The following PRKCH variants were observed in gnomAD, a reference collection of about 807,000 sequenced individuals.
PRKCH encodes protein kinase C eta type.
Under a neutral mutation model 82.5 loss-of-function variants are expected in PRKCH, and 28 were observed. The ratio of observed to expected loss-of-function variants is 0.34; its 90% CI spans 0.25 to 0.47. The LOEUF (loss-of-function observed/expected upper bound fraction) is 0.47, where lower values mean the gene tolerates loss of function less well. PRKCH is among the 20% of genes least tolerant of loss of function. The pLI is 1.00. For missense variants in PRKCH, 705 were observed against 881.8 expected, an observed-to-expected ratio of 0.80 and a Z score of 2.54; for synonymous variants, 322 against 327.4, an observed-to-expected ratio of 0.98 and a Z score of 0.18.
chr14:61,543,209 C>T (rs1442440919), intron 12 of PRKCH, among the ~76,000 whole-genome samples: 1 of 152,186 alleles, frequency 6.6e-6, no homozygotes, highest in Non-Finnish European at 1.5e-5. Flanking sequence ...CTTTACATGT[C>T]CCCTTAGAAC....
chr14:61,230,586 C>G (rs2044735290), intron 1 of PRKCH, among the ~76,000 whole-genome samples: 1 of 152,206 alleles, frequency 6.6e-6, no homozygotes, highest in Non-Finnish European at 1.5e-5. Flanking sequence ...TTGCATGCAT[C>G]TTCAGATGTA....
Position 61,274,266 on chromosome 14 carries a change from A to G in PRKCH, c.-19+86598A>G, listed in dbSNP as rs192522283. ...GGTTAGGGCCTCTTTAAATCATTCA[A>G]TATGGCTGGAATTTGGTGGGGTGTT... On this transcript the variant is annotated intron_variant, in intron 1 of 3. Coordinates refer to the PRKCH transcript ENST00000555185. Among the ~76,000 whole-genome samples, 4 of 152,246 alleles carry G rather than the reference A, an allele frequency of 2.6e-5. No homozygotes were observed. The South Asian group carries it at 6.2e-4, about 24-fold the overall frequency.
At chr14:61,374,234 A>C (rs143405741) in intron 1 of PRKCH, among the ~76,000 whole-genome samples, 1 of 152,160 alleles carries the variant, frequency 6.6e-6, no homozygotes, top group Admixed American at 6.5e-5. Context: ...TGTCTTGGGC[A>C]GTTCTACTCT....
chr14:61,320,958 C>T (rs1165916765), upstream of PRKCH, among the ~76,000 whole-genome samples: 1 of 152,184 alleles, frequency 6.6e-6, no homozygotes, highest in African/African-American at 2.4e-5. Flanking sequence ...CCAGAAGAAC[C>T]GACCTTTCCT....
At position 61,451,860 on chromosome 14, in the gene PRKCH, G is replaced by A. The variant is rs147543732; in HGVS notation, c.832+889G>A. ...GAGCCTGCTTCTGTCAACAAAAAGGGGCCAGTCACTTGTCTTTAAGAAGGG... is the reference window on the plus strand; with the variant it reads ...GAGCCTGCTTCTGTCAACAAAAAGGAGCCAGTCACTTGTCTTTAAGAAGGG... On this transcript the variant is annotated intron_variant, in intron 6 of 13. Coordinates refer to ENST00000332981, the MANE Select transcript of PRKCH (RefSeq NM_006255.5). Among the ~76,000 whole-genome samples, 37 of 152,234 alleles carry A rather than the reference G, an allele frequency of 2.4e-4. No homozygotes were observed. The East Asian group carries it at 6.2e-3, about 25-fold the overall frequency.
intron 1 of PRKCH, among the ~76,000 whole-genome samples, chr14:61,214,682 C>G (rs1395448456): frequency 6.6e-6 from 1 of 152,104 alleles, no homozygotes; most frequent in African/African-American, 2.4e-5. Context: ...CATCTGACCC[C>G]TCTTTCTCTC....
chr14:61,450,608 A>T (rs1002798290), intron 5 of PRKCH, among the ~76,000 whole-genome samples: 3 of 152,232 alleles, frequency 2.0e-5, no homozygotes, highest in Non-Finnish European at 2.9e-5. Flanking sequence ...ATTTCTCAAA[A>T]TGGCAAATGA....
chr14:61,519,346 TCTCA>T (rs2042873402), intron 10 of PRKCH, among the ~76,000 whole-genome samples: 2 of 151,864 alleles, frequency 1.3e-5, no homozygotes, highest in Non-Finnish European at 2.9e-5. Flanking sequence ...AGAGACAGGG[TCTCA>T]CTATGTTGCC....
intron 2 of PRKCH, among the ~76,000 whole-genome samples, chr14:61,441,390 TC>T (rs1051327534): frequency 6.6e-6 from 1 of 152,164 alleles, no homozygotes; most frequent in African/African-American, 2.4e-5. Context: ...CGGTTTATAC[TC>T]CTACTGACAG....
At chr14:61,523,888 A>G (rs1340079988) in intron 10 of PRKCH, among the ~76,000 whole-genome samples, 6 of 152,230 alleles carry the variant, frequency 3.9e-5, no homozygotes, top group Non-Finnish European at 1.5e-5. Context: ...TAATCTGATA[A>G]AAGATGGATC....
chr14:61,272,344 C>CTTTTTTTTTTTTTTTTTTTTT (rs1162331604), intron 1 of PRKCH, among the ~76,000 whole-genome samples: 7 of 23,620 alleles, frequency 3.0e-4, no homozygotes, highest in South Asian at 1.7e-3. Context: ...TTTTTTCTTT[C>CTTTTTTTTTTTTTTTTTTTTT]TTTTTTTTTT....
intron 1 of PRKCH, among the ~76,000 whole-genome samples, chr14:61,214,326 C>T (rs1031360394): frequency 4.6e-5 from 7 of 152,040 alleles, no homozygotes; most frequent in African/African-American, 1.7e-4. Flanking sequence ...GGGCCCATTC[C>T]CAAGGTCAGG....
At chr14:61,290,510 T>C (rs867855370) in intron 1 of PRKCH, among the ~76,000 whole-genome samples, 1 of 152,190 alleles carries the variant, frequency 6.6e-6, no homozygotes, top group Non-Finnish European at 1.5e-5. Context: ...TGTGCCATTC[T>C]GTGGGTCTCT....
At chr14:61,206,362 C>T (rs1594851549) in intron 1 of PRKCH, among the ~76,000 whole-genome samples, 1 of 152,316 alleles carries the variant, frequency 6.6e-6, no homozygotes, top group East Asian at 1.9e-4. Context: ...ACTCTAATCC[C>T]TGCCTCCATC....
At chr14:61,389,578 A>G (rs1219410875) in intron 1 of PRKCH, among the ~76,000 whole-genome samples, 1 of 151,448 alleles carries the variant, frequency 6.6e-6, no homozygotes, top group African/African-American at 2.4e-5. Context: ...GCACATGCCT[A>G]TAGTCCTAGC....
At chr14:61,547,722 C>CTT in intron 12 of PRKCH, 21 bp from the exon 13 acceptor site, 1 of 1,606,534 alleles carries the variant, frequency 6.2e-7, no homozygotes, top group Non-Finnish European at 8.5e-7. Flanking sequence ...ATGATTGACA[C>CTT]TTTCTCTCTC....
At chr14:61,191,652 T>G (rs1170860877) in intron 1 of PRKCH, among the ~76,000 whole-genome samples, 1 of 130,490 alleles carries the variant, frequency 7.7e-6, no homozygotes, top group African/African-American at 2.9e-5. Context: ...CAGCCCTGTC[T>G]CAAAAAAAAA....
intron 2 of PRKCH, among the ~76,000 whole-genome samples, chr14:61,403,014 C>G (rs1328528522): frequency 6.6e-6 from 1 of 152,068 alleles, no homozygotes; most frequent in African/African-American, 2.4e-5. Context: ...TCTCCCAATG[C>G]TATCCCTCCC....
chr14:61,336,147 C>T (rs2045854760), intron 1 of PRKCH, among the ~76,000 whole-genome samples: 1 of 152,232 alleles, frequency 6.6e-6, no homozygotes, highest in African/African-American at 2.4e-5. Context: ...CTACCCTCAG[C>T]ACTTCAATAT....
Sources: allele counts gnomAD v4.1 joint callset (sites outside exome capture counted in the v4.1 genomes callset), GRCh38; gene constraint gnomAD v4.1.1; transcripts MANE v1.5; gene names NCBI Gene and HGNC (gene_info 2026-07-23, HGNC 2026-07-21).